Variants in ATAD2B observed in about 807,000 individuals in gnomAD.
ATAD2B encodes ATPase family AAA domain containing 2B, also known as ATPase family AAA domain-containing protein 2B.
Under a neutral mutation model 167.6 loss-of-function variants are expected in ATAD2B, and 40 were observed. That is an observed-to-expected ratio of 0.24 (90% CI 0.19 to 0.31). ATAD2B has a LOEUF of 0.31. Ranked by LOEUF, ATAD2B falls within the 10% of genes least tolerant of loss-of-function variation. The probability of loss-of-function intolerance (pLI) is 1.00; values close to 1 mark genes in which losing one functional copy is unlikely to be tolerated. For synonymous variants in ATAD2B, 579 were observed against 596.5 expected, an observed-to-expected ratio of 0.97 and a Z score of 0.43; for missense variants, 1,242 against 1,757.2, an observed-to-expected ratio of 0.71 and a Z score of 5.24.
At chr2:23,836,026 A>T (rs1454981442) in intron 13 of ATAD2B, among the ~76,000 whole-genome samples, 1 of 151,664 alleles carries the variant, frequency 6.6e-6, no homozygotes, top group African/African-American at 2.4e-5. Flanking sequence ...TGTGGCTGGT[A>T]GTGCCTCTGC....
chr2:23,915,447 A>C (rs2150590600), intron 1 of ATAD2B, among the ~76,000 whole-genome samples: 1 of 151,866 alleles, frequency 6.6e-6, no homozygotes, highest in South Asian at 2.1e-4. Flanking sequence ...TTGATTAAAA[A>C]AAAAAAAAAA....
chr2:23,813,323 T>C (rs1685916168), intron 17 of ATAD2B, among the ~76,000 whole-genome samples: 1 of 148,236 alleles, frequency 6.7e-6, no homozygotes. Flanking sequence ...TGTTATTTTA[T>C]AATATATTAT....
rs534986104 is a variant in ATAD2B at position 23,809,538 on chromosome 2, T to G, written c.2454+778A>C. Among the ~76,000 whole-genome samples, 5 of 152,294 alleles carry G rather than the reference T, an allele frequency of 3.3e-5. No homozygotes were observed. The South Asian group carries it at 1.0e-3, about 32-fold the overall frequency. On this transcript the variant is annotated intron_variant, in intron 18 of 27. Coordinates refer to ENST00000238789, the MANE Select transcript of ATAD2B (RefSeq NM_017552.4). ...AAAATTGTGTGAAATGTTTTAAGTG[T>G]TACTACTCCAGTTATTTAACTCTAA...
At chr2:23,858,045 CAA>C (rs1210188742) in intron 12 of ATAD2B, among the ~76,000 whole-genome samples, 1 of 151,674 alleles carries the variant, frequency 6.6e-6, no homozygotes, top group East Asian at 1.9e-4. Flanking sequence ...ACCCGGCCAC[CAA>C]AGAGTATTTT....
chr2:23,797,825 T>A (rs983115516), intron 19 of ATAD2B, among the ~76,000 whole-genome samples: 2 of 152,164 alleles, frequency 1.3e-5, no homozygotes, highest in Admixed American at 1.3e-4. Flanking sequence ...AGTGGCTTCA[T>A]GTCAGCACTC....
chr2:23,727,851 C>T, the ATAD2B span, among the ~76,000 whole-genome samples: 1 of 152,146 alleles, frequency 6.6e-6, no homozygotes, highest in Non-Finnish European at 1.5e-5. Flanking sequence ...ATGTAACATT[C>T]TAGAAAGACA....
In ATAD2B at chr2:23,750,211, C is replaced by T. The variant is rs1382154034; in HGVS notation, c.*1835G>A. 1 of 152,038 alleles carries T rather than the reference C, an allele frequency of 6.6e-6. No homozygotes were observed. The highest frequency in any genetic ancestry group is 1.5e-5 in the Non-Finnish European group (1 of 67,984). The allele number at this position is 152,038 out of a possible 1,614,324, so 9.4% of individuals were successfully genotyped here. A position where few individuals can be genotyped will look rare whatever the true frequency, so the allele number is the denominator to read the frequency against. On this transcript the variant is annotated 3_prime_UTR_variant, in exon 28 of 28. Coordinates refer to ENST00000238789, the MANE Select transcript of ATAD2B (RefSeq NM_017552.4). ...TGGTTCATCGTTAATCGCACTTGCCCACCTTAAAAATACAGTGTGTCTACA... is the reference window on the plus strand; with the variant it reads ...TGGTTCATCGTTAATCGCACTTGCCTACCTTAAAAATACAGTGTGTCTACA...
intron 15 of ATAD2B, among the ~76,000 whole-genome samples, chr2:23,828,372 T>C (rs976196625): frequency 1.3e-5 from 2 of 152,190 alleles, no homozygotes; most frequent in African/African-American, 4.8e-5. Flanking sequence ...GGGGAACTAC[T>C]ACCAAATATA....
chr2:23,919,695 T>C, intron 1 of ATAD2B, among the ~76,000 whole-genome samples: 1 of 151,500 alleles, frequency 6.6e-6, no homozygotes, highest in East Asian at 1.9e-4. Flanking sequence ...ATACAAAAAT[T>C]AGCCAGGTGA....
intron 26 of ATAD2B, 106 bp downstream of exon 26, chr2:23,754,541 A>G: frequency 7.2e-7 from 1 of 1,396,764 alleles, no homozygotes; most frequent in Non-Finnish European, 9.8e-7. Flanking sequence ...TGAGGCATTT[A>G]TATTTCAGGG....
intron 10 of ATAD2B, among the ~76,000 whole-genome samples, chr2:23,866,950 G>A (rs992778671): frequency 6.6e-6 from 1 of 152,036 alleles, no homozygotes; most frequent in Admixed American, 6.6e-5. Flanking sequence ...CATGTCCTCC[G>A]AGTCTTGTGC....
chr2:23,926,467 G>A (rs921967187), intron 1 of ATAD2B, 88 bp downstream of exon 1: 7 of 1,485,374 alleles, frequency 4.7e-6, no homozygotes, highest in African/African-American at 2.8e-5. Flanking sequence ...CTCCACTGTA[G>A]GCTTCCTACC....
intron 24 of ATAD2B, among the ~76,000 whole-genome samples, chr2:23,761,878 T>C (rs1466605567): frequency 1.3e-5 from 2 of 152,096 alleles, no homozygotes; most frequent in Non-Finnish European, 2.9e-5. Flanking sequence ...TCCTGCATAG[T>C]GTACAAGGAG....
intron 19 of ATAD2B, among the ~76,000 whole-genome samples, chr2:23,788,960 AT>A (rs1681232524): frequency 6.6e-6 from 1 of 152,132 alleles, no homozygotes; most frequent in African/African-American, 2.4e-5. Flanking sequence ...AGGCTTTTAC[AT>A]TAAGAGGGGA....
chr2:23,780,057 C>T (rs564222982), intron 22 of ATAD2B, among the ~76,000 whole-genome samples: 3 of 152,178 alleles, frequency 2.0e-5, no homozygotes, highest in South Asian at 4.1e-4. Flanking sequence ...CCAGCCTGGG[C>T]AACATGGCGA....
At chr2:23,696,262 G>A in the ATAD2B span, 1 of 1,504,530 alleles carries the variant, frequency 6.6e-7, no homozygotes, top group East Asian at 2.5e-5. The surrounding 1 kb of genome is among the most constrained non-coding windows in gnomAD (Gnocchi z 5.5). Flanking sequence ...CTCTGCCCCT[G>A]GGGCTGGGCC....
At chr2:23,800,041 G>A (rs1683228916) in intron 18 of ATAD2B, 1 of 151,136 alleles carries the variant, frequency 6.6e-6, no homozygotes, top group African/African-American at 2.4e-5. Flanking sequence ...ATTGGCAAAA[G>A]GAAAGAACCA....
intron 1 of ATAD2B, among the ~76,000 whole-genome samples, chr2:23,903,283 C>T (rs72790326): frequency 0.13 from 18,524 of 141,860 alleles, 1,220 homozygotes; most frequent in Middle Eastern, 0.22. Context: ...GTTTTCAAGT[C>T]TTCTATAGAA....
intron 13 of ATAD2B, among the ~76,000 whole-genome samples, chr2:23,838,064 G>C (rs1426624287): frequency 6.6e-6 from 1 of 152,120 alleles, no homozygotes; most frequent in Admixed American, 6.5e-5. Context: ...ACATGTTAAA[G>C]AAATCATTCT....
Sources: allele counts gnomAD v4.1 joint callset (sites outside exome capture counted in the v4.1 genomes callset), GRCh38; gene constraint gnomAD v4.1.1; non-coding constraint Gnocchi (gnomAD v3.1); transcripts MANE v1.5; gene names NCBI Gene and HGNC (gene_info 2026-07-23, HGNC 2026-07-21).